The following PCDH15 variants were observed in gnomAD, a reference collection of about 807,000 sequenced individuals.
The protein encoded by PCDH15 is protocadherin related 15, also known as protocadherin-15.
In PCDH15, 129 loss-of-function variants were observed where a neutral mutation model predicts 178.5. That is an observed-to-expected ratio of 0.72 (90% CI 0.63 to 0.84). PCDH15 has a LOEUF of 0.84. Among genes scored for constraint, PCDH15 ranks in the 40% least tolerant of loss-of-function variants. PCDH15 has a pLI of 0.00. For missense variants in PCDH15, 2,230 were observed against 2,099.9 expected, an observed-to-expected ratio of 1.06 and a Z score of -1.21; for synonymous variants, 800 against 732.0, an observed-to-expected ratio of 1.09 and a Z score of -1.50.
intron 3 of PCDH15, among the ~76,000 whole-genome samples, chr10:54,419,028 A>T (rs945907230): frequency 1.3e-5 from 2 of 152,134 alleles, no homozygotes; most frequent in South Asian, 2.1e-4. Context: ...ATCAATAAAA[A>T]TTTTATTATA....
intron 2 of PCDH15, among the ~76,000 whole-genome samples, chr10:54,934,130 T>C (rs1318667915): frequency 1.3e-5 from 2 of 152,170 alleles, no homozygotes; most frequent in African/African-American, 4.8e-5. Flanking sequence ...TAAATAAACT[T>C]GTGATTTGAA....
intron 3 of PCDH15, among the ~76,000 whole-genome samples, chr10:54,836,668 C>T (rs187898957): frequency 6.6e-6 from 1 of 151,884 alleles, no homozygotes; most frequent in East Asian, 1.9e-4. Flanking sequence ...ATTTTTCACA[C>T]TAATAACTAC....
chr10:54,088,299 C>T (rs1263913544), intron 16 of PCDH15, among the ~76,000 whole-genome samples: 5 of 152,144 alleles, frequency 3.3e-5, no homozygotes, highest in African/African-American at 1.2e-4. Context: ...TCTCTAATGA[C>T]AAATGAACAG....
At chr10:54,273,941 C>A (rs189817241) in intron 8 of PCDH15, among the ~76,000 whole-genome samples, 136 of 152,134 alleles carry the variant, frequency 8.9e-4, no homozygotes, top group South Asian at 6.2e-3. Context: ...AACATCATGG[C>A]ATACTATGCA....
At chr10:55,359,092 G>C (rs991815647) in intron 2 of PCDH15, among the ~76,000 whole-genome samples, 2 of 151,956 alleles carry the variant, frequency 1.3e-5, no homozygotes, top group Admixed American at 1.3e-4. Flanking sequence ...TAGCTCCTTG[G>C]GAGGCTGAAG....
chr10:54,257,595 T>G (rs1319522892), intron 8 of PCDH15, among the ~76,000 whole-genome samples: 1 of 152,126 alleles, frequency 6.6e-6, no homozygotes, highest in Non-Finnish European at 1.5e-5. Flanking sequence ...AATCTGCTAC[T>G]GTGAGTACGT....
At chr10:54,321,437 A>G (rs2061597661) in intron 7 of PCDH15, among the ~76,000 whole-genome samples, 2 of 151,060 alleles carry the variant, frequency 1.3e-5, no homozygotes, top group Non-Finnish European at 3.0e-5. Flanking sequence ...ATAATATTTT[A>G]TGTGATACAT....
chr10:54,190,571 T>A (rs1298465213), intron 11 of PCDH15, among the ~76,000 whole-genome samples: 1 of 152,094 alleles, frequency 6.6e-6, no homozygotes, highest in Non-Finnish European at 1.5e-5. Context: ...CCTGGCTAAG[T>A]TTTTTGTTTA....
chr10:55,432,738 G>A (rs1278393767), intron 2 of PCDH15, among the ~76,000 whole-genome samples: 1 of 151,642 alleles, frequency 6.6e-6, no homozygotes, highest in Non-Finnish European at 1.5e-5. Flanking sequence ...TAAAACAGAA[G>A]TAGCTGGAAA....
chr10:54,083,854 G>A (rs2094473031), intron 16 of PCDH15, among the ~76,000 whole-genome samples: 1 of 152,110 alleles, frequency 6.6e-6, no homozygotes, highest in Non-Finnish European at 1.5e-5. Context: ...CTACGTTCCT[G>A]AAACATATTA....
chr10:54,819,231 A>C (rs1396803998), intron 3 of PCDH15, among the ~76,000 whole-genome samples: 1 of 152,080 alleles, frequency 6.6e-6, no homozygotes, highest in Non-Finnish European at 1.5e-5. Flanking sequence ...ATTCATGGTA[A>C]CTGATAGAAT....
intron 1 of PCDH15, among the ~76,000 whole-genome samples, chr10:55,258,868 C>T (rs1393857735): frequency 6.6e-6 from 1 of 151,130 alleles, no homozygotes; most frequent in Non-Finnish European, 1.5e-5. Context: ...ACCGCAGGGC[C>T]TCTCAAAAAG....
At chr10:53,991,889 A>G (rs979212130) in intron 21 of PCDH15, among the ~76,000 whole-genome samples, 3 of 152,138 alleles carry the variant, frequency 2.0e-5, no homozygotes, top group Non-Finnish European at 4.4e-5. Flanking sequence ...TGGGCCAATC[A>G]GCATGATGTG....
intron 2 of PCDH15, among the ~76,000 whole-genome samples, chr10:54,919,295 T>G (rs541193820): frequency 7.9e-5 from 12 of 152,256 alleles, no homozygotes; most frequent in African/African-American, 2.9e-4. Flanking sequence ...TCTGTTCTCA[T>G]TTTATAGGTA....
chr10:53,886,592 CCTCT>C (rs1228779815), intron 26 of PCDH15, among the ~76,000 whole-genome samples: 9 of 122,354 alleles, frequency 7.4e-5, no homozygotes, highest in African/African-American at 2.5e-4. Context: ...CACATGTATG[CCTCT>C]TTTTTTTTTT....
chr10:54,757,407 C>A lies in PCDH15; in HGVS notation c.-29+43518G>T, dbSNP rs1255667017. Among the ~76,000 whole-genome samples, 6 of 87,064 alleles carry A rather than the reference C, an allele frequency of 6.9e-5. No individual in the cohort carries two copies. The South Asian group carries it at 2.0e-3, about 28-fold the overall frequency. 57.1% of individuals were successfully genotyped at this position (87,064 alleles called of 152,430 possible). Reference sequence around the variant, plus strand: ...ACGCCATTCTCCTGCCTCAGCCTCCCGAGTAGCTGGGACTACAGGCGCGCG... The same window carrying A: ...ACGCCATTCTCCTGCCTCAGCCTCCAGAGTAGCTGGGACTACAGGCGCGCG... On this transcript the variant is annotated intron_variant, in intron 1 of 37. Coordinates refer to ENST00000644397, the MANE Select transcript of PCDH15 (RefSeq NM_001384140.1).
At chr10:54,049,008 A>G (rs1022621675) in intron 18 of PCDH15, among the ~76,000 whole-genome samples, 4 of 151,908 alleles carry the variant, frequency 2.6e-5, no homozygotes, top group Non-Finnish European at 5.9e-5. Context: ...TGAGCATAGA[A>G]TGCTTTTCCA....
At chr10:54,000,297 A>T (rs961551471) in intron 20 of PCDH15, among the ~76,000 whole-genome samples, 1 of 152,158 alleles carries the variant, frequency 6.6e-6, no homozygotes, top group African/African-American at 2.4e-5. Context: ...ACAAGCATCA[A>T]TATCATCCAG....
chr10:55,200,217 G>T (rs1038419957), intron 1 of PCDH15, among the ~76,000 whole-genome samples: 1 of 152,146 alleles, frequency 6.6e-6, no homozygotes, highest in Non-Finnish European at 1.5e-5. Context: ...CAACATGGAA[G>T]GAGCTGTCCA....
Sources: gnomAD v4.1 joint callset for allele counts (sites outside exome capture counted in the v4.1 genomes callset) on GRCh38, gnomAD v4.1.1 for gene constraint, MANE v1.5 for transcripts, NCBI Gene and HGNC (gene_info 2026-07-23, HGNC 2026-07-21) for gene names.